Variants in RAPGEF4 observed in about 807,000 individuals in gnomAD.
The protein encoded by RAPGEF4 is RAP guanine-nucleotide-exchange factor (GEF) 4.
RAPGEF4 carries 66 observed loss-of-function variants against 147.9 expected under a neutral mutation model. That is an observed-to-expected ratio of 0.45 (90% CI 0.37 to 0.55). The LOEUF (loss-of-function observed/expected upper bound fraction) is 0.55, where lower values mean the gene tolerates loss of function less well. Among genes scored for constraint, RAPGEF4 ranks in the 20% least tolerant of loss-of-function variants. The pLI, the probability that RAPGEF4 is intolerant of heterozygous loss-of-function variation, is 0.00. For synonymous variants in RAPGEF4, 419 were observed against 442.7 expected, an observed-to-expected ratio of 0.95 and a Z score of 0.67; for missense variants, 1,071 against 1,257.3, an observed-to-expected ratio of 0.85 and a Z score of 2.24.
intron 10 of RAPGEF4, among the ~76,000 whole-genome samples, chr2:172,968,726 A>G (rs1301894824): frequency 6.6e-6 from 1 of 152,188 alleles, no homozygotes; most frequent in African/African-American, 2.4e-5. Flanking sequence ...CATAAGCAGG[A>G]GTGGGGTCCA....
intron 6 of RAPGEF4, among the ~76,000 whole-genome samples, chr2:172,949,479 C>T (rs1268279482): frequency 6.6e-6 from 1 of 152,006 alleles, no homozygotes; most frequent in Non-Finnish European, 1.5e-5. Flanking sequence ...TCAGGAATAC[C>T]CTAACCCGAT....
At chr2:172,978,637 C>A (rs865916755) in intron 10 of RAPGEF4, among the ~76,000 whole-genome samples, 1 of 152,208 alleles carries the variant, frequency 6.6e-6, no homozygotes, top group Non-Finnish European at 1.5e-5. Flanking sequence ...CCCTCTCCTG[C>A]CCTCTGGGCT....
intron 4 of RAPGEF4, among the ~76,000 whole-genome samples, chr2:172,831,265 A>ATTTTTTTTTTTTTTTTTT (rs1491195850): frequency 1.2e-4 from 2 of 16,622 alleles, no homozygotes; most frequent in Non-Finnish European, 1.5e-4. Flanking sequence ...CAGATAGAAA[A>ATTTTTTTTTTTTTTTTTT]CTTTTTTTTT....
At position 173,016,427 on chromosome 2, in the gene RAPGEF4, G is replaced by C. The variant is rs1695514851; in HGVS notation, c.1888G>C (p.Val630Leu). ...GCAACTGCCAGAGTTGGAGAAGATT[G>C]TCAAGCAAATGTAAGGAAGGGCTTG... is the stretch of plus-strand genomic sequence containing the variant. The part of the protein sequence containing the change: ...KEQLPELEKI[V>L]KQISEDAKAP... Residue 630 changes from valine to leucine, a missense_variant, in exon 19 of 31, where the codon GTC (valine) becomes CTC (leucine). Physicochemically the swap from Val to Leu is conservative, Grantham distance 32. Coordinates refer to ENST00000397081, the MANE Select transcript of RAPGEF4 (RefSeq NM_007023.4). 4.3e-6 allele frequency: 7 copies of C among 1,610,070 alleles called. No individual in the cohort carries two copies. The African/African-American group carries it at 6.7e-5, about 15-fold the overall frequency.
At chr2:173,029,196 A>G (rs998017418) in intron 25 of RAPGEF4, among the ~76,000 whole-genome samples, 1 of 152,226 alleles carries the variant, frequency 6.6e-6, no homozygotes, top group African/African-American at 2.4e-5. Context: ...CTCCATCTCC[A>G]CACAGACAAT....
At chr2:173,017,360 T>C in intron 20 of RAPGEF4, 66 bp from the exon 21 acceptor site, 1 of 1,507,466 alleles carries the variant, frequency 6.6e-7, no homozygotes, top group South Asian at 1.1e-5. Flanking sequence ...CAGATGTGTC[T>C]TCTCTGAGAT....
At chr2:172,940,876 T>G (rs1397268914) in intron 6 of RAPGEF4, among the ~76,000 whole-genome samples, 2 of 152,212 alleles carry the variant, frequency 1.3e-5, no homozygotes, top group African/African-American at 4.8e-5. Flanking sequence ...ATGTCTCTAT[T>G]TAGATGTTCA....
In RAPGEF4 at chr2:172,988,839, G is replaced by A. The variant is rs1169084481; in HGVS notation, c.1374G>A (p.Arg458=). 6.2e-7 allele frequency: 1 copy of A among 1,613,326 alleles called. No homozygotes were observed. Among genetic ancestry groups the A allele is most frequent in the East Asian group, 2.2e-5 (1 of 44,878 alleles). The part of the protein sequence containing the change: ...VDKEDFNRIL[R]DVEANTVRLK... ...AGGAGGATTTCAACCGGATCCTAAG[G>A]GTGAGTCCAAAGCAAAGTGTGGCTG... Residue 458 remains arginine, a splice_region_variant and synonymous_variant, in exon 14 of 31, where the codon AGG becomes AGA. Coordinates refer to ENST00000397081, the MANE Select transcript of RAPGEF4 (RefSeq NM_007023.4).
At chr2:173,036,082 ATC>A (rs1267982750) in intron 27 of RAPGEF4, 41 bp from the exon 28 acceptor site, 2 of 1,410,754 alleles carry the variant, frequency 1.4e-6, no homozygotes, top group African/African-American at 2.8e-5. Context: ...AGGGTGGTGT[ATC>A]TGTCACCAGT....
intron 4 of RAPGEF4, among the ~76,000 whole-genome samples, chr2:172,857,358 TG>T (rs1693542627): frequency 6.6e-6 from 1 of 152,196 alleles, no homozygotes; most frequent in Admixed American, 6.5e-5. Context: ...CAAAATATTC[TG>T]GAACGTATAG....
At position 172,776,100 on chromosome 2, in the gene RAPGEF4, T is replaced by G. The variant is rs562691195; in HGVS notation, c.66-18925T>G. On this transcript the variant is annotated intron_variant, in intron 1 of 30. Transcript: ENST00000397081. Reference sequence around the variant, plus strand: ...TTACACTTTGACATGTCATCCTGATTTATTTTTATTTATTGGTTTAATATG... The same window carrying G: ...TTACACTTTGACATGTCATCCTGATGTATTTTTATTTATTGGTTTAATATG... Among the ~76,000 whole-genome samples, 90 of 152,296 alleles carry G rather than the reference T, an allele frequency of 5.9e-4. 2 individuals carry two copies. The South Asian group carries it at 0.019, about 32-fold the overall frequency.
In RAPGEF4 at chr2:172,737,465, A is replaced by G. The variant is rs566808565; in HGVS notation, c.65+1417A>G. Among the ~76,000 whole-genome samples, 3 of 118,060 alleles carry G rather than the reference A, an allele frequency of 2.5e-5. No individual in the cohort carries two copies. The East Asian group carries it at 6.4e-4, about 25-fold the overall frequency. The allele number at this position is 118,060 out of a possible 152,430, so 77.5% of individuals were successfully genotyped here. On this transcript the variant is annotated intron_variant, in intron 1 of 30. Coordinates refer to ENST00000397081, the MANE Select transcript of RAPGEF4 (RefSeq NM_007023.4). ...ATGAGCAAAATTTTTAGATAATAAC[A>G]TATTTCTATGTGTAGAAATGCATGG... is the stretch of plus-strand genomic sequence containing the variant.
At chr2:172,826,552 T>C (rs186799697) in intron 4 of RAPGEF4, among the ~76,000 whole-genome samples, 7 of 152,320 alleles carry the variant, frequency 4.6e-5, no homozygotes, top group Non-Finnish European at 7.3e-5. Flanking sequence ...TAAAAGCACA[T>C]AGAACTTAAA....
intron 1 of RAPGEF4, among the ~76,000 whole-genome samples, chr2:172,769,673 C>G (rs1697178106): frequency 6.6e-6 from 1 of 151,980 alleles, no homozygotes; most frequent in Admixed American, 6.6e-5. Flanking sequence ...CCAACAACAC[C>G]AACAGAAATA....
At position 172,735,958 on chromosome 2, in the gene RAPGEF4, A is replaced by G. The variant is rs1483630394; in HGVS notation, c.-26A>G. 2 of 1,450,480 alleles carry G rather than the reference A, an allele frequency of 1.4e-6. No individual in the cohort carries two copies. The highest frequency in any genetic ancestry group is 1.8e-6 in the Non-Finnish European group (2 of 1,098,820). The allele number at this position is 1,450,480 out of a possible 1,614,324, so 89.9% of individuals were successfully genotyped here. ...GCGAGCGCGGGAGGTCGCCGCAGCC[A>G]GGGACACCGCGCGCCGCCGCTCAAC... On this transcript the variant is annotated 5_prime_UTR_variant, in exon 1 of 31. Coordinates refer to ENST00000397081, the MANE Select transcript of RAPGEF4 (RefSeq NM_007023.4).
chr2:172,772,794 T>C (rs1683758887), intron 1 of RAPGEF4, among the ~76,000 whole-genome samples: 1 of 152,242 alleles, frequency 6.6e-6, no homozygotes, highest in Non-Finnish European at 1.5e-5. Context: ...CTAAGGCTGC[T>C]CACAGTCTGG....
chr2:172,898,875 C>G (rs2149948027), intron 4 of RAPGEF4, among the ~76,000 whole-genome samples: 1 of 152,318 alleles, frequency 6.6e-6, no homozygotes, highest in East Asian at 1.9e-4. Context: ...AATGATGTCT[C>G]TCCCTGCAGA....
At chr2:172,857,766 G>A (rs1693593835) in intron 4 of RAPGEF4, among the ~76,000 whole-genome samples, 1 of 151,694 alleles carries the variant, frequency 6.6e-6, no homozygotes, top group Admixed American at 6.6e-5. Flanking sequence ...TGCAGTCCCA[G>A]ATACCTGGGA....
At chr2:172,911,861 G>A (rs1700130419) in intron 4 of RAPGEF4, among the ~76,000 whole-genome samples, 1 of 148,926 alleles carries the variant, frequency 6.7e-6, no homozygotes, top group Non-Finnish European at 1.5e-5. Context: ...GGAACTCCTG[G>A]GCCCATGTGA....
Sources: allele counts gnomAD v4.1 joint callset (sites outside exome capture counted in the v4.1 genomes callset), GRCh38; gene constraint gnomAD v4.1.1; transcripts MANE v1.5; gene names NCBI Gene and HGNC (gene_info 2026-07-23, HGNC 2026-07-21).